Variants in SPART observed in about 807,000 individuals in gnomAD.
SPART encodes the protein spartin.
SPART carries 35 observed loss-of-function variants against 58.7 expected under a neutral mutation model. The ratio of observed to expected loss-of-function variants is 0.60; its 90% CI spans 0.46 to 0.79. The LOEUF is 0.79. SPART is among the 30% of genes least tolerant of loss of function. The probability of loss-of-function intolerance (pLI) is 0.00; values close to 1 mark genes in which losing one functional copy is unlikely to be tolerated. For synonymous variants in SPART, 284 were observed against 280.7 expected (o/e 1.01, Z -0.12); for missense variants, 730 against 786.1 (o/e 0.93, Z 0.85).
chr13:36,319,147 G>A (rs1476118004), intron 5 of SPART, among the ~76,000 whole-genome samples: 1 of 150,934 alleles, frequency 6.6e-6, no homozygotes, highest in African/African-American at 2.4e-5. Context: ...TGCCAACTTA[G>A]ACAATACTCT....
intron 5 of SPART, among the ~76,000 whole-genome samples, chr13:36,319,579 G>T (rs1882143234): frequency 6.6e-6 from 1 of 151,456 alleles, no homozygotes; most frequent in African/African-American, 2.4e-5. Context: ...GTTAGTTCAG[G>T]ATCTGCATCT....
intron 1 of SPART, among the ~76,000 whole-genome samples, chr13:36,367,588 T>C (rs1886111941): frequency 6.6e-6 from 1 of 151,618 alleles, no homozygotes; most frequent in African/African-American, 2.4e-5. Flanking sequence ...CCTATTAAAC[T>C]CTCCGCTCTT....
chr13:36,305,746 C>T (rs2137262785), intron 8 of SPART, among the ~76,000 whole-genome samples: 1 of 152,096 alleles, frequency 6.6e-6, no homozygotes, highest in Non-Finnish European at 1.5e-5. Flanking sequence ...TACTCTTTAC[C>T]CCATTTTGGT....
chr13:36,360,495 G>T (rs1164780982), intron 1 of SPART, among the ~76,000 whole-genome samples: 1 of 151,846 alleles, frequency 6.6e-6, no homozygotes, highest in Non-Finnish European at 1.5e-5. Context: ...TACTGAGATG[G>T]GGAAGAGAAG....
At chr13:36,332,983 T>A (rs1024594343) in intron 2 of SPART, among the ~76,000 whole-genome samples, 1 of 152,220 alleles carries the variant, frequency 6.6e-6, no homozygotes, top group African/African-American at 2.4e-5. Context: ...TAAAAGTTAT[T>A]CTAAAATAAA....
rs767749929 is a variant in SPART, at chr13:36,304,438, G to A, written c.1928C>T (p.Ala643Val). The change falls in exon 9 of 9, where the codon GCA becomes GTA. Residue 643 changes from alanine (A) to valine (V), a missense_variant. By Grantham distance (64) the Ala-to-Val change is moderately conservative (BLOSUM62 0). Coordinates refer to ENST00000438666, the MANE Select transcript of SPART (RefSeq NM_015087.5). ...CTTCTCCCCTCTCACGTTGACATTT[G>A]CTGCTCCTTCTTGATTTTCCCTCTG... ...NSQRENQEGA[A>V]NVNVRGEKDE... The A allele has an allele frequency of 1.4e-5, 22 of 1,613,956 alleles. No individual in the cohort carries two copies. The highest frequency in any genetic ancestry group is 1.9e-5 in the Non-Finnish European group (22 of 1,179,990).
chr13:36,347,418 C>T (rs932770849), upstream of SPART, among the ~76,000 whole-genome samples: 2 of 152,102 alleles, frequency 1.3e-5, no homozygotes, highest in Non-Finnish European at 2.9e-5. Context: ...GGGGTTTCAC[C>T]ATATTGGCCA....
At chr13:36,342,160 C>T (rs550824893) in intron 1 of SPART, among the ~76,000 whole-genome samples, 4 of 152,198 alleles carry the variant, frequency 2.6e-5, no homozygotes, top group Non-Finnish European at 4.4e-5. Flanking sequence ...ACTATCCCCA[C>T]GCATCATTTA....
At chr13:36,367,631 A>C (rs1886115123) in intron 1 of SPART, among the ~76,000 whole-genome samples, 1 of 147,342 alleles carries the variant, frequency 6.8e-6, no homozygotes, top group Non-Finnish European at 1.5e-5. Context: ...TAAAATAATT[A>C]AATTGGGATG....
chr13:36,330,697 T>G (rs567407222), intron 3 of SPART, among the ~76,000 whole-genome samples: 2 of 152,314 alleles, frequency 1.3e-5, no homozygotes, highest in African/African-American at 4.8e-5. Context: ...CTATTCAAGT[T>G]CCCTGTTAAA....
intron 8 of SPART, chr13:36,308,322 C>T (rs1880724816): frequency 6.6e-6 from 1 of 152,144 alleles, no homozygotes; most frequent in Non-Finnish European, 1.5e-5. Context: ...CCTCTCCCAT[C>T]CTTCTAAATT....
chr13:36,335,867 T>C, intron 1 of SPART, 35 bp from the exon 2 acceptor site: 2 of 1,524,478 alleles, frequency 1.3e-6, no homozygotes, highest in Non-Finnish European at 1.8e-6. Flanking sequence ...TTATCTTGCT[T>C]AGCTATTGTT....
intron 5 of SPART, among the ~76,000 whole-genome samples, chr13:36,319,993 A>G (rs9547254): frequency 0.59 from 88,805 of 151,666 alleles, 27,349 homozygotes; most frequent in Non-Finnish European, 0.69. Flanking sequence ...CGGTTAGCGC[A>G]GTCAGAATTC....
intron 4 of SPART, among the ~76,000 whole-genome samples, chr13:36,327,439 T>C (rs1593251075): frequency 6.6e-6 from 1 of 152,330 alleles, no homozygotes; most frequent in East Asian, 1.9e-4. Context: ...AAGTCACCCA[T>C]AAGTAAAATC....
intron 1 of SPART, among the ~76,000 whole-genome samples, chr13:36,338,232 T>C (rs1027062500): frequency 3.3e-5 from 5 of 152,200 alleles, no homozygotes; most frequent in African/African-American, 9.6e-5. Context: ...GGGTACTATA[T>C]GCATTTTATG....
At chr13:36,326,226 C>T (rs1882916843) in intron 5 of SPART, 2 of 329,054 alleles carry the variant, frequency 6.1e-6, no homozygotes, top group Non-Finnish European at 1.2e-5. Context: ...CACATTCAGA[C>T]CACAGCTGAG....
At chr13:36,355,490 A>G (rs1359177154) in intron 1 of SPART, among the ~76,000 whole-genome samples, 2 of 152,190 alleles carry the variant, frequency 1.3e-5, no homozygotes, top group African/African-American at 4.8e-5. Flanking sequence ...AGGGACAGCT[A>G]TTTTCAGTCA....
Position 36,335,468 on chromosome 13 carries a change from G to A in SPART, c.363C>T (p.Asp121=), listed in dbSNP as rs149393698. 1,263 of 1,614,064 alleles carry A rather than the reference G, an allele frequency of 7.8e-4. 1 individual carries two copies. The highest frequency in any genetic ancestry group is 9.9e-4 in the Non-Finnish European group (1,169 of 1,179,996). ...GAGGCTCTGGTAATTTTTCACACAT[G>A]TCTTTAGGTGGAAATTCTGGATATA... ...PKLYPEFPPK[D]MCEKLPEPQS... is the part of the protein sequence containing the mutation. Residue 121 remains aspartate, a synonymous_variant, in exon 2 of 9, where the codon GAC becomes GAT. Coordinates refer to ENST00000438666, the MANE Select transcript of SPART (RefSeq NM_015087.5).
chr13:36,326,618 T>C lies in SPART; in HGVS notation c.1245A>G (p.Glu415=). The change falls in exon 5 of 9, where the codon GAA becomes GAG. Residue 415 remains glutamate, a synonymous_variant. Coordinates refer to ENST00000438666, the MANE Select transcript of SPART (RefSeq NM_015087.5). ...CCACTTTTTCACTCCATTCAGGTAA[T>C]TCTTTTGGCTTTTCTTCTGGAACTG... The part of the protein sequence containing the change: ...CEPVPEEKPK[E]LPEWSEKVAH... The C allele has an allele frequency of 6.2e-7, 1 of 1,613,588 alleles. No homozygotes were observed. Among genetic ancestry groups the C allele is most frequent in the Non-Finnish European group, 8.5e-7 (1 of 1,179,864 alleles).
Sources: allele counts gnomAD v4.1 joint callset (sites outside exome capture counted in the v4.1 genomes callset), GRCh38; gene constraint gnomAD v4.1.1; transcripts MANE v1.5; gene names NCBI Gene and HGNC (gene_info 2026-07-23, HGNC 2026-07-21).